Variants in ZNF148 observed in about 807,000 individuals in gnomAD.
The protein encoded by ZNF148 is Beta-Enolase Repressor Factor-1.
A neutral mutation model predicts 67.7 loss-of-function variants in ZNF148; 7 were observed. The observed-to-expected ratio is 0.10, with a 90% CI of 0.06 to 0.19. ZNF148 has a LOEUF of 0.19. Ranked by LOEUF, ZNF148 falls within the 10% of genes least tolerant of loss-of-function variation. ZNF148 has a pLI of 1.00. For synonymous variants in ZNF148, 333 were observed against 330.7 expected (o/e 1.01, Z -0.08); for missense variants, 583 against 947.1 (o/e 0.62, Z 5.05).
intron 7 of ZNF148, among the ~76,000 whole-genome samples, chr3:125,274,881 C>T (rs1254307923): frequency 6.6e-6 from 1 of 152,056 alleles, no homozygotes; most frequent in Admixed American, 6.6e-5. Context: ...TTTTTTAATG[C>T]CGTAACTATT....
chr3:125,236,232 T>A (rs187852349), intron 7 of ZNF148, among the ~76,000 whole-genome samples: 1,581 of 152,132 alleles, frequency 0.01, 20 homozygotes, highest in Middle Eastern at 0.034. Context: ...TAAAAAAAAA[T>A]TTTTTTCTTG....
At chr3:125,254,022 G>A (rs1183520000) in intron 7 of ZNF148, among the ~76,000 whole-genome samples, 2 of 152,036 alleles carry the variant, frequency 1.3e-5, no homozygotes, top group Non-Finnish European at 2.9e-5. Context: ...TTCCAGGGAA[G>A]CCACCTGAGC....
chr3:125,354,720 A>G (rs1942279700), intron 1 of ZNF148, among the ~76,000 whole-genome samples: 1 of 152,228 alleles, frequency 6.6e-6, no homozygotes, highest in Non-Finnish European at 1.5e-5. Flanking sequence ...CTAAGCTATC[A>G]TAACTAACTT....
chr3:125,236,721 G>A (rs1373058543), intron 7 of ZNF148, among the ~76,000 whole-genome samples: 1 of 152,196 alleles, frequency 6.6e-6, no homozygotes, highest in South Asian at 2.1e-4. Flanking sequence ...TGGCTTTTGA[G>A]CTGTGCTCTT....
chr3:125,351,417 A>G (rs1368529879), intron 1 of ZNF148, among the ~76,000 whole-genome samples: 1 of 143,330 alleles, frequency 7.0e-6, no homozygotes, highest in Non-Finnish European at 1.5e-5. Flanking sequence ...CGCAGTTGCT[A>G]TTCAATGGGT....
At chr3:125,245,015 TTC>T (rs1301954660) in intron 7 of ZNF148, among the ~76,000 whole-genome samples, 1 of 152,196 alleles carries the variant, frequency 6.6e-6, no homozygotes, top group African/African-American at 2.4e-5. Flanking sequence ...TTCTATATTT[TTC>T]TCTTTGGCAT....
chr3:125,334,802 C>T (rs1027754811), intron 1 of ZNF148, among the ~76,000 whole-genome samples: 1 of 151,982 alleles, frequency 6.6e-6, no homozygotes, highest in African/African-American at 2.4e-5. Flanking sequence ...ACCACCTCCA[C>T]CACCACCCAC....
chr3:125,288,295 T>C lies in ZNF148; in HGVS notation c.334-67A>G. 2.0e-6 allele frequency: 3 copies of C among 1,509,492 alleles called. No individual in the cohort carries two copies. In the South Asian group the frequency reaches 3.7e-5, roughly 19 times the overall value. 93.5% of individuals were successfully genotyped at this position (1,509,492 alleles called of 1,614,324 possible). A position where few individuals can be genotyped will look rare whatever the true frequency, so the allele number is the denominator to read the frequency against. On this transcript the variant is annotated intron_variant, in intron 4 of 8. Transcript: ENST00000360647. ...AGTTCATTGTGACAAAAGGCCATTT[T>C]ATGTTTAATCCTTTGCTAAACCCAC...
chr3:125,335,065 C>T (rs1427590071), intron 1 of ZNF148, among the ~76,000 whole-genome samples: 1 of 117,402 alleles, frequency 8.5e-6, no homozygotes, highest in African/African-American at 3.7e-5. Context: ...CATCCCACCA[C>T]ATACACTCAA....
intron 3 of ZNF148, among the ~76,000 whole-genome samples, chr3:125,321,501 C>G (rs1940769905): frequency 6.6e-6 from 1 of 152,070 alleles, no homozygotes; most frequent in Admixed American, 6.5e-5. Flanking sequence ...AAGCCCCTCT[C>G]AAATAAAACA....
At chr3:125,312,541 G>A (rs560889514) in intron 4 of ZNF148, among the ~76,000 whole-genome samples, 1 of 152,296 alleles carries the variant, frequency 6.6e-6, no homozygotes, top group African/African-American at 2.4e-5. Context: ...AGAGTCAAGA[G>A]AAGTGACAGG....
At position 125,367,628 on chromosome 3, in the gene ZNF148, C is replaced by CTCAT. The variant is rs577193105; in HGVS notation, c.-234+7470_-234+7473dup. 6.7e-4 allele frequency among the ~76,000 whole-genome samples: 102 copies of CTCAT among 152,256 alleles called. 1 individual carries two copies. Among genetic ancestry groups the CTCAT allele is most frequent in the South Asian group, 1.2e-3 (6 of 4,824 alleles). Reference sequence around the variant, plus strand: ...AGATCTCCTAAATTATCTCAAATATCTCATTCATTCATTCATTCATTCATT... The same window carrying CTCAT: ...AGATCTCCTAAATTATCTCAAATATCTCATTCATTCATTCATTCATTCATTCATT... On this transcript the variant is annotated intron_variant, in intron 1 of 8. Coordinates refer to ENST00000360647, the MANE Select transcript of ZNF148 (RefSeq NM_021964.3).
intron 1 of ZNF148, among the ~76,000 whole-genome samples, chr3:125,351,380 CA>C (rs1158167448): frequency 6.4e-4 from 33 of 51,342 alleles, no homozygotes; most frequent in South Asian, 3.8e-3. Context: ...CCTTGTTTCT[CA>C]AAAAAAAAAA....
intron 7 of ZNF148, among the ~76,000 whole-genome samples, chr3:125,254,544 C>T (rs750277193): frequency 1.6e-4 from 25 of 152,168 alleles, no homozygotes; most frequent in Admixed American, 5.2e-4. Flanking sequence ...AACAGACACA[C>T]GTTTAAAATT....
intron 7 of ZNF148, among the ~76,000 whole-genome samples, chr3:125,261,188 A>G (rs1289676565): frequency 6.6e-6 from 1 of 152,216 alleles, no homozygotes; most frequent in Non-Finnish European, 1.5e-5. Context: ...TAATACATTA[A>G]GGAACTGGTA....
intron 7 of ZNF148, among the ~76,000 whole-genome samples, chr3:125,260,090 T>C (rs1463829262): frequency 1.3e-5 from 2 of 152,144 alleles, no homozygotes; most frequent in African/African-American, 2.4e-5. Context: ...AAGTTCACTC[T>C]CTTATGTGGG....
chr3:125,336,677 CTT>C (rs71148176), intron 1 of ZNF148, among the ~76,000 whole-genome samples: 2 of 95,334 alleles, frequency 2.1e-5, no homozygotes, highest in Admixed American at 1.3e-4. Flanking sequence ...CAGAAATCAC[CTT>C]TTTTTTTTTT....
intron 7 of ZNF148, among the ~76,000 whole-genome samples, chr3:125,267,223 T>A (rs1937552640): frequency 6.6e-6 from 1 of 151,056 alleles, no homozygotes; most frequent in Admixed American, 6.6e-5. Context: ...GAAACCAGTA[T>A]CATCCTGATA....
At chr3:125,257,306 C>G (rs1213039854) in intron 7 of ZNF148, among the ~76,000 whole-genome samples, 2 of 152,078 alleles carry the variant, frequency 1.3e-5, no homozygotes, top group African/African-American at 4.8e-5. Context: ...AATCCCAGCA[C>G]TTTGGGAGGC....
Sources: gnomAD v4.1 joint callset for allele counts (sites outside exome capture counted in the v4.1 genomes callset) on GRCh38, gnomAD v4.1.1 for gene constraint, MANE v1.5 for transcripts, NCBI Gene and HGNC (gene_info 2026-07-23, HGNC 2026-07-21) for gene names.